HDAC9: variants seen among roughly 807,000 people sequenced by gnomAD.
HDAC9 encodes histone deacetylase 9.
A neutral mutation model predicts 139.4 loss-of-function variants in HDAC9; 41 were observed. The observed-to-expected ratio is 0.29, with a 90% CI of 0.23 to 0.38. The LOEUF is 0.38. HDAC9 is among the 10% of genes least tolerant of loss of function. HDAC9 has a pLI of 1.00. For missense variants in HDAC9, 1,147 were observed against 1,297.0 expected (o/e 0.88, Z 1.78); for synonymous variants, 517 against 476.2 (o/e 1.09, Z -1.12).
intron 2 of HDAC9, among the ~76,000 whole-genome samples, chr7:18,195,368 T>A (rs932192037): frequency 3.3e-5 from 5 of 152,194 alleles, no homozygotes; most frequent in Non-Finnish European, 1.5e-5. Context: ...TCACCTTTAA[T>A]GGGGTCTGGG....
chr7:18,364,292 G>A (rs781511073), intron 1 of HDAC9, among the ~76,000 whole-genome samples: 32 of 152,026 alleles, frequency 2.1e-4, no homozygotes, highest in African/African-American at 7.5e-4. Context: ...TCTTTAAAGC[G>A]AAAAATTTCT....
intron 17 of HDAC9, among the ~76,000 whole-genome samples, chr7:18,807,362 G>T (rs1793795814): frequency 4.6e-5 from 7 of 152,042 alleles, no homozygotes; most frequent in Admixed American, 4.6e-4. Context: ...TCAAAGGATT[G>T]TCATTTCATT....
In HDAC9 at chr7:18,503,619, T is replaced by A. The variant is rs577214673; in HGVS notation, c.22+7295T>A. Among the ~76,000 whole-genome samples, 9 of 152,306 alleles carry A rather than the reference T, an allele frequency of 5.9e-5. No individual in the cohort carries two copies. In the South Asian group the frequency reaches 1.9e-3, roughly 32 times the overall value. ...CAGTGTTTCTTAAATACCCATTAATTAAATCCAATGAAAACCACTTTTAAG... is the reference window on the plus strand; with the variant it reads ...CAGTGTTTCTTAAATACCCATTAATAAAATCCAATGAAAACCACTTTTAAG... On this transcript the variant is annotated intron_variant, in intron 2 of 25. Coordinates refer to ENST00000686413, the MANE Select transcript of HDAC9 (RefSeq NM_178425.4).
chr7:18,273,055 C>CTTTTTTTTTT (rs1491175072), intron 2 of HDAC9, among the ~76,000 whole-genome samples: 3 of 68,230 alleles, frequency 4.4e-5, no homozygotes, highest in African/African-American at 6.4e-5. Flanking sequence ...TCCCCTTCTT[C>CTTTTTTTTTT]GTTTTTTTTT....
At chr7:18,527,205 A>G (rs781264034) in intron 2 of HDAC9, among the ~76,000 whole-genome samples, 1 of 152,098 alleles carries the variant, frequency 6.6e-6, no homozygotes, top group Non-Finnish European at 1.5e-5. Flanking sequence ...AGTGGCTCTA[A>G]TGTTCTTCTT....
rs1395641895 is a variant in HDAC9 at position 18,832,719 on chromosome 7, CA to C, written c.2467-2741del. Reference sequence around the variant, plus strand: ...AATATTTTACAGCAAGGAAAACAAACAAAAAAATGATATATATATATTTTTT... The same window carrying C: ...AATATTTTACAGCAAGGAAAACAAACAAAAAATGATATATATATATTTTTT... On this transcript the variant is annotated intron_variant, in intron 19 of 25. Transcript: ENST00000686413. 4.9e-5 allele frequency among the ~76,000 whole-genome samples: 7 copies of C among 142,978 alleles called. No individual in the cohort carries two copies. In the East Asian group the frequency reaches 6.0e-4, roughly 12 times the overall value. 93.8% of individuals were successfully genotyped at this position (142,978 alleles called of 152,430 possible). A position where few individuals can be genotyped will look rare whatever the true frequency, so the allele number is the denominator to read the frequency against.
In HDAC9 at chr7:18,122,722, G is replaced by A. The variant is rs146898565; in HGVS notation, c.-97+35509G>A. On this transcript the variant is annotated intron_variant, in intron 1 of 12. Coordinates refer to the HDAC9 transcript ENST00000417496. ...CAACCTCCACCTCCCAAGTTCAAGC[G>A]ATTCTCCTGCCTCAGCCTCCTGAGT... Among the ~76,000 whole-genome samples the A allele has an allele frequency of 4.2e-4, 64 of 152,198 alleles. 1 individual carries two copies. In the East Asian group the frequency reaches 9.5e-3, roughly 23 times the overall value.
At chr7:18,840,796 G>A (rs1796535631) in intron 21 of HDAC9, among the ~76,000 whole-genome samples, 1 of 152,024 alleles carries the variant, frequency 6.6e-6, no homozygotes, top group Admixed American at 6.6e-5. Context: ...AATTGTGATT[G>A]GAAATCTGTC....
chr7:18,597,821 A>G (rs559380124), intron 6 of HDAC9, among the ~76,000 whole-genome samples: 1 of 152,180 alleles, frequency 6.6e-6, no homozygotes, highest in Non-Finnish European at 1.5e-5. Context: ...TAAAGTGCAC[A>G]AGCCATGTAA....
intron 2 of HDAC9, among the ~76,000 whole-genome samples, chr7:18,171,960 A>T (rs1584450966): frequency 6.6e-6 from 1 of 152,334 alleles, no homozygotes; most frequent in Non-Finnish European, 1.5e-5. Context: ...TGGCCTTATA[A>T]AATGAGTTAG....
chr7:18,744,290 C>G (rs978801079), intron 13 of HDAC9, among the ~76,000 whole-genome samples: 1 of 152,126 alleles, frequency 6.6e-6, no homozygotes, highest in African/African-American at 2.4e-5. Flanking sequence ...CCGCGCCCGG[C>G]CTTTACTACT....
chr7:18,542,618 A>G (rs961791785), intron 2 of HDAC9, among the ~76,000 whole-genome samples: 5 of 152,224 alleles, frequency 3.3e-5, no homozygotes, highest in Non-Finnish European at 2.9e-5. Flanking sequence ...TTAATAATCA[A>G]GAAAACACAA....
At position 18,232,644 on chromosome 7, in the gene HDAC9, G is replaced by A. The variant is rs189414360; in HGVS notation, c.25+70295G>A. On this transcript the variant is annotated intron_variant, in intron 2 of 12. Coordinates refer to the HDAC9 transcript ENST00000417496. ...ATCTCTATTGCTCATGATATTTGCA[G>A]AATGCATTTCTCATAATTGGTACTT... is the stretch of plus-strand genomic sequence containing the variant. Among the ~76,000 whole-genome samples the A allele has an allele frequency of 1.5e-3, 233 of 152,270 alleles. 1 individual carries two copies. Among genetic ancestry groups the A allele is most frequent in the African/African-American group, 5.3e-3 (221 of 41,542 alleles).
intron 2 of HDAC9, among the ~76,000 whole-genome samples, chr7:18,230,745 A>G (rs2128183181): frequency 6.6e-6 from 1 of 152,328 alleles, no homozygotes; most frequent in African/African-American, 2.4e-5. Flanking sequence ...GTAAGTAAAC[A>G]AAACTCTTAA....
intron 8 of HDAC9, among the ~76,000 whole-genome samples, chr7:18,642,619 G>A (rs535939917): frequency 6.6e-6 from 1 of 152,132 alleles, no homozygotes; most frequent in Non-Finnish European, 1.5e-5. Context: ...CTGAATATCA[G>A]TACACTGCCA....
intron 11 of HDAC9, 24 bp downstream of exon 11, chr7:18,648,707 A>G (rs1411775638): frequency 6.3e-7 from 1 of 1,590,700 alleles, no homozygotes; most frequent in Non-Finnish European, 8.6e-7. Context: ...CCAAGTCAAA[A>G]TGTTCTAACC....
chr7:18,454,407 T>G (rs1793158916), intron 1 of HDAC9, among the ~76,000 whole-genome samples: 1 of 152,036 alleles, frequency 6.6e-6, no homozygotes, highest in Non-Finnish European at 1.5e-5. Flanking sequence ...TATAAATAGG[T>G]CAAGTACTGT....
At chr7:18,666,053 A>G (rs1794776523) in intron 11 of HDAC9, among the ~76,000 whole-genome samples, 160 bp from the exon 12 acceptor site, 1 of 152,160 alleles carries the variant, frequency 6.6e-6, no homozygotes, top group Non-Finnish European at 1.5e-5. Flanking sequence ...CTTTAGATTT[A>G]GTATTACTGA....
At chr7:18,268,635 A>G (rs1205110869) in intron 2 of HDAC9, among the ~76,000 whole-genome samples, 2 of 152,212 alleles carry the variant, frequency 1.3e-5, no homozygotes, top group Non-Finnish European at 1.5e-5. Context: ...CTTGTAGTGA[A>G]TAGGGAGTTT....
Sources: gnomAD v4.1 joint callset for allele counts (sites outside exome capture counted in the v4.1 genomes callset) on GRCh38, gnomAD v4.1.1 for gene constraint, MANE v1.5 for transcripts, NCBI Gene and HGNC (gene_info 2026-07-23, HGNC 2026-07-21) for gene names.